Variants in PTPRN2 observed in about 807,000 individuals in gnomAD.
PTPRN2 encodes receptor-type tyrosine-protein phosphatase N2.
In PTPRN2, 74 loss-of-function variants were observed where a neutral mutation model predicts 118.8. The ratio of observed to expected loss-of-function variants is 0.62; its 90% CI spans 0.52 to 0.76. The LOEUF (loss-of-function observed/expected upper bound fraction) is 0.76, where lower values mean the gene tolerates loss of function less well. Among genes scored for constraint, PTPRN2 ranks in the 30% least tolerant of loss-of-function variants. The pLI is 0.00. For missense variants in PTPRN2, 1,481 were observed against 1,394.4 expected, an observed-to-expected ratio of 1.06 and a Z score of -0.99; for synonymous variants, 641 against 608.0, an observed-to-expected ratio of 1.05 and a Z score of -0.80.
rs542503907 is a variant in PTPRN2, at chr7:157,910,584, C to T, written c.1724-11847G>A. 9.8e-5 allele frequency among the ~76,000 whole-genome samples: 15 copies of T among 152,378 alleles called. No individual in the cohort carries two copies. In the South Asian group the frequency reaches 3.1e-3, roughly 32 times the overall value. ...CACACACGTACACCGTTCTGCACAG[C>T]TGGCGGACGCTTCCTCTTTCCCACA... On this transcript the variant is annotated intron_variant, in intron 11 of 22. Transcript: ENST00000389418.
rs147315803 is a variant in PTPRN2, at chr7:157,601,144, C to G, written c.2418+2858G>C. Among the ~76,000 whole-genome samples, 3 of 152,304 alleles carry G rather than the reference C, an allele frequency of 2.0e-5. No homozygotes were observed. In the South Asian group the frequency reaches 6.2e-4, roughly 32 times the overall value. On this transcript the variant is annotated intron_variant, in intron 16 of 22. Transcript: ENST00000389418. ...TTTTAAATGTAGCTCATGGGTTTCT[C>G]TCTCAGACAACCTACGAGGGAAAAC...
chr7:157,670,846 T>TA (rs1302938740), intron 13 of PTPRN2, among the ~76,000 whole-genome samples: 4 of 152,184 alleles, frequency 2.6e-5, no homozygotes, highest in African/African-American at 9.7e-5. Flanking sequence ...AGCCAGTCAG[T>TA]AAGAAACAAG....
intron 3 of PTPRN2, among the ~76,000 whole-genome samples, chr7:158,266,616 G>C (rs1223268413): frequency 6.6e-6 from 1 of 152,206 alleles, no homozygotes; most frequent in Non-Finnish European, 1.5e-5. Context: ...GGAACAGCCT[G>C]ACAGAGGGAC....
At chr7:158,109,865 A>G (rs193063989) in intron 10 of PTPRN2, among the ~76,000 whole-genome samples, 1 of 145,548 alleles carries the variant, frequency 6.9e-6, no homozygotes, top group Admixed American at 6.8e-5. Flanking sequence ...CGTCACCCCT[A>G]TGTGAAGGGG....
chr7:157,970,257 T>C (rs10271377), intron 11 of PTPRN2, among the ~76,000 whole-genome samples: 74,562 of 151,980 alleles, frequency 0.49, 18,320 homozygotes, highest in Admixed American at 0.56. Context: ...AGGACACACA[T>C]TGAGAAACAC....
intron 12 of PTPRN2, among the ~76,000 whole-genome samples, chr7:157,876,563 C>T (rs1795779742): frequency 6.6e-6 from 1 of 152,162 alleles, no homozygotes; most frequent in Non-Finnish European, 1.5e-5. Context: ...ACGTTTCTCC[C>T]AGGAAGATGC....
intron 6 of PTPRN2, among the ~76,000 whole-genome samples, chr7:158,151,582 G>A (rs1821164943): frequency 6.6e-6 from 1 of 151,000 alleles, no homozygotes; most frequent in Non-Finnish European, 1.5e-5. Flanking sequence ...GGTGGTGGTG[G>A]TGGGTGGTAT....
chr7:157,750,082 C>T (rs1392063123), intron 12 of PTPRN2, among the ~76,000 whole-genome samples: 1 of 152,070 alleles, frequency 6.6e-6, no homozygotes, highest in Non-Finnish European at 1.5e-5. Flanking sequence ...GGCTCTTTTG[C>T]TTGTGGCCCT....
At position 158,129,199 on chromosome 7, in the gene PTPRN2, CACAA is replaced by C. The variant is rs565046416; in HGVS notation, c.1556+4474_1556+4477del. On this transcript the variant is annotated intron_variant, in intron 9 of 22. Transcript: ENST00000389418. ...ACATACCACGCCACACACTACACACCACAAACAGATAAGCCACACAGCACACCAC... is the reference window on the plus strand; with the variant it reads ...ACATACCACGCCACACACTACACACCACAGATAAGCCACACAGCACACCAC... Among the ~76,000 whole-genome samples the C allele has an allele frequency of 1.9e-4, 29 of 149,702 alleles. No individual in the cohort carries two copies. In the South Asian group the frequency reaches 3.6e-3, roughly 19 times the overall value.
chr7:158,273,573 G>C lies in PTPRN2; in HGVS notation c.277+43246C>G, dbSNP rs1340260891. The stretch of plus-strand genomic sequence containing the variant: ...AGACACAGGGGGAGCCGCAGGCACA[G>C]GGGGAGCCGCAGACAGACATGGGAG... On this transcript the variant is annotated intron_variant, in intron 3 of 22. Coordinates refer to ENST00000389418, the MANE Select transcript of PTPRN2 (RefSeq NM_002847.5). 1.9e-3 allele frequency among the ~76,000 whole-genome samples: 205 copies of C among 107,962 alleles called. 54 individuals are homozygous for C. The highest frequency in any genetic ancestry group is 4.5e-3 in the Middle Eastern group (1 of 222). 70.8% of individuals were successfully genotyped at this position (107,962 alleles called of 152,430 possible). A position where few individuals can be genotyped will look rare whatever the true frequency, so the allele number is the denominator to read the frequency against.
At chr7:157,678,431 C>T (rs1232799557) in intron 13 of PTPRN2, among the ~76,000 whole-genome samples, 1 of 152,202 alleles carries the variant, frequency 6.6e-6, no homozygotes, top group Non-Finnish European at 1.5e-5. Flanking sequence ...AAAGAACGGT[C>T]TCTTAAAGCC....
intron 2 of PTPRN2, among the ~76,000 whole-genome samples, chr7:158,340,970 G>A (rs1240335792): frequency 6.4e-5 from 5 of 78,458 alleles, no homozygotes; most frequent in Admixed American, 1.4e-4. Context: ...GCCCGCAGAT[G>A]TCACTCACAC....
chr7:158,053,371 G>A (rs1809481615), intron 11 of PTPRN2, among the ~76,000 whole-genome samples: 1 of 152,214 alleles, frequency 6.6e-6, no homozygotes, highest in Admixed American at 6.5e-5. Context: ...GAAGGGCCCA[G>A]CATCCTCTCA....
rs538165882 is a variant in PTPRN2, at chr7:158,529,421, C to T, written c.113-39636G>A. 4.6e-5 allele frequency among the ~76,000 whole-genome samples: 7 copies of T among 152,306 alleles called. No homozygotes were observed. The highest frequency in any genetic ancestry group is 2.6e-4 in the Admixed American group (4 of 15,310). ...GGAGGCCAGCAGGAGGACGGACTCA[C>T]CAGGACACCCCCAAGGACAGGGAAG... is the stretch of plus-strand genomic sequence containing the variant. On this transcript the variant is annotated intron_variant, in intron 1 of 22. Transcript: ENST00000389418. The surrounding 1 kb of genome is among the most constrained non-coding windows in gnomAD (Gnocchi z 4.7).
intron 2 of PTPRN2, among the ~76,000 whole-genome samples, chr7:158,325,441 C>T (rs928183588): frequency 3.3e-5 from 5 of 151,994 alleles, no homozygotes; most frequent in African/African-American, 4.8e-5. Context: ...AATATGATCA[C>T]TTAATTTAGT....
chr7:157,729,895 G>A lies in PTPRN2; in HGVS notation c.1789-46958C>T, dbSNP rs923343866. On this transcript the variant is annotated intron_variant, in intron 12 of 22. Transcript: ENST00000389418. The surrounding 1 kb of genome is among the most constrained non-coding windows in gnomAD (Gnocchi z 4.3). ...GGTGTTTAGATTAAACCTGATCCAC[G>A]TGTGTCTGTGAGTGTGACTCGGAGG... Among the ~76,000 whole-genome samples, 11 of 152,178 alleles carry A rather than the reference G, an allele frequency of 7.2e-5. No individual in the cohort carries two copies. Among genetic ancestry groups the A allele is most frequent in the Admixed American group, 2.6e-4 (4 of 15,278 alleles).
chr7:157,826,027 A>AATCCCCTCT (rs1162069686), intron 12 of PTPRN2, among the ~76,000 whole-genome samples: 1 of 152,212 alleles, frequency 6.6e-6, no homozygotes, highest in Non-Finnish European at 1.5e-5. Flanking sequence ...GGGGTCAGGC[A>AATCCCCTCT]ATCCCCTCTG....
At chr7:158,556,702 G>T (rs1430149535) in intron 1 of PTPRN2, among the ~76,000 whole-genome samples, 1 of 152,330 alleles carries the variant, frequency 6.6e-6, no homozygotes, top group South Asian at 2.1e-4. Context: ...CTCCCGCGCA[G>T]GTCAGACGGC....
intron 11 of PTPRN2, among the ~76,000 whole-genome samples, chr7:157,902,124 T>G (rs1797496728): frequency 6.6e-6 from 1 of 152,216 alleles, no homozygotes; most frequent in Non-Finnish European, 1.5e-5. Flanking sequence ...GCAAGGTGCA[T>G]CCTTGGAGGC....
Sources: allele counts gnomAD v4.1 joint callset (sites outside exome capture counted in the v4.1 genomes callset), GRCh38; gene constraint gnomAD v4.1.1; non-coding constraint Gnocchi (gnomAD v3.1); transcripts MANE v1.5; gene names NCBI Gene and HGNC (gene_info 2026-07-23, HGNC 2026-07-21).